Variants in SCAF8 observed in about 807,000 individuals in gnomAD.
SCAF8 encodes SR-related and CTD-associated factor 8.
Under a neutral mutation model 140.5 loss-of-function variants are expected in SCAF8, and 23 were observed. The ratio of observed to expected loss-of-function variants is 0.16; its 90% confidence interval spans 0.12 to 0.23. The LOEUF is 0.23. SCAF8 is among the 10% of genes least tolerant of loss of function. The pLI is 1.00. For missense variants in SCAF8, 1,397 were observed against 1,555.7 expected (o/e 0.90, Z 1.72); for synonymous variants, 575 against 528.9 (o/e 1.09, Z -1.20).
chr6:154,737,130 G>A lies in SCAF8; in HGVS notation c.30+3200G>A, dbSNP rs138472304. Among the ~76,000 whole-genome samples the A allele has an allele frequency of 7.6e-3, 1,157 of 152,214 alleles. 8 individuals carry two copies. Among genetic ancestry groups the A allele is most frequent in the Non-Finnish European group, 0.011 (760 of 68,024 alleles). On this transcript the variant is annotated intron_variant, in intron 1 of 19. Coordinates refer to ENST00000367178, the MANE Select transcript of SCAF8 (RefSeq NM_014892.5). ...ATGATTGTTTTCCATTAAATTATGT[G>A]TTACAAATTACAAAAATTAAAAAGG... is the stretch of plus-strand genomic sequence containing the variant.
intron 1 of SCAF8, among the ~76,000 whole-genome samples, chr6:154,753,355 T>C (rs1778885836): frequency 6.6e-6 from 1 of 152,130 alleles, no homozygotes; most frequent in Admixed American, 6.6e-5. Flanking sequence ...TAATCCCAGT[T>C]ACTCGGGAGG....
chr6:154,831,852 T>TG, intron 19 of SCAF8, 87 bp from the exon 20 acceptor site: 1 of 1,083,034 alleles, frequency 9.2e-7, no homozygotes, highest in South Asian at 1.6e-5. Flanking sequence ...CCTTGATTAT[T>TG]GGGGGATACA....
intron 12 of SCAF8, among the ~76,000 whole-genome samples, chr6:154,812,716 A>G (rs1372348850): frequency 6.6e-6 from 1 of 152,218 alleles, no homozygotes; most frequent in Non-Finnish European, 1.5e-5. Context: ...ACCAGTGAAT[A>G]ATAACATTCC....
At chr6:154,805,319 A>G (rs369464978) in intron 8 of SCAF8, 50 bp from the exon 9 acceptor site, 87 of 1,024,218 alleles carry the variant, frequency 8.5e-5, no homozygotes, top group Non-Finnish European at 1.3e-4. Context: ...TTATTTTCAT[A>G]GTATCTTTAG....
chr6:154,824,111 A>C, intron 16 of SCAF8, 123 bp from the exon 17 acceptor site: 2 of 963,716 alleles, frequency 2.1e-6, no homozygotes, highest in East Asian at 4.9e-5. Context: ...AAAAGGGGGC[A>C]TAAAACCCTT....
chr6:154,814,434 AC>A (rs1778188165), intron 12 of SCAF8, among the ~76,000 whole-genome samples: 1 of 152,222 alleles, frequency 6.6e-6, no homozygotes, highest in African/African-American at 2.4e-5. Flanking sequence ...CAGGGAAAGA[AC>A]AATGACCAGG....
chr6:154,828,914 A>G (rs1778647851), intron 18 of SCAF8, among the ~76,000 whole-genome samples: 1 of 152,236 alleles, frequency 6.6e-6, no homozygotes, highest in Non-Finnish European at 1.5e-5. Flanking sequence ...TTTTCATACA[A>G]TATAGACATA....
chr6:154,833,445 GTA>G lies in SCAF8; in HGVS notation c.*51_*52del. The G allele has an allele frequency of 1.9e-6, 3 of 1,540,330 alleles. No individual in the cohort carries two copies. The highest frequency in any genetic ancestry group is 2.6e-6 in the Non-Finnish European group (3 of 1,137,742). ...CCTTTTGTAAAGTTGTCATCTCTCT[GTA>G]ATAGATAATGGCTGACTGGACCATA... On this transcript the variant is annotated 3_prime_UTR_variant, in exon 20 of 20. Transcript: ENST00000367178.
intron 15 of SCAF8, among the ~76,000 whole-genome samples, chr6:154,821,194 A>G (rs1778412837): frequency 6.6e-6 from 1 of 152,198 alleles, no homozygotes; most frequent in Non-Finnish European, 1.5e-5. Flanking sequence ...TTCCTCTTGT[A>G]GAGTGTAGCG....
At chr6:154,747,465 T>G (rs1251080198) in intron 1 of SCAF8, among the ~76,000 whole-genome samples, 2 of 152,060 alleles carry the variant, frequency 1.3e-5, no homozygotes, top group Admixed American at 1.3e-4. Context: ...GAGTTGAGGT[T>G]GTGCCACTTT....
chr6:154,741,846 G>C, intron 1 of SCAF8: 1 of 672,858 alleles, frequency 1.5e-6, no homozygotes, highest in Non-Finnish European at 2.6e-6. Context: ...TGGTGTGAAA[G>C]AATGTAATCA....
intron 4 of SCAF8, among the ~76,000 whole-genome samples, chr6:154,788,467 TATTTA>T (rs1042784934): frequency 6.6e-6 from 1 of 152,252 alleles, no homozygotes; most frequent in Non-Finnish European, 1.5e-5. Flanking sequence ...CAAATTTGAA[TATTTA>T]ATTATTACGG....
chr6:154,831,434 A>G (rs1778730245), intron 19 of SCAF8, among the ~76,000 whole-genome samples: 2 of 152,108 alleles, frequency 1.3e-5, no homozygotes, highest in African/African-American at 4.8e-5. Flanking sequence ...CAAAATCTGT[A>G]TACTTATAGG....
chr6:154,738,973 T>C (rs928280638), intron 1 of SCAF8, among the ~76,000 whole-genome samples: 10 of 152,176 alleles, frequency 6.6e-5, no homozygotes, highest in African/African-American at 2.4e-4. Context: ...TGAGAGGGCA[T>C]TTTAAAATAC....
chr6:154,771,060 C>T (rs762926827), intron 1 of SCAF8, among the ~76,000 whole-genome samples: 1 of 152,174 alleles, frequency 6.6e-6, no homozygotes, highest in Admixed American at 6.5e-5. Context: ...TAAACTCTTA[C>T]TAAGTTAAAT....
intron 11 of SCAF8, among the ~76,000 whole-genome samples, chr6:154,809,183 AT>A (rs767484512): frequency 6.6e-5 from 10 of 152,314 alleles, no homozygotes; most frequent in East Asian, 1.9e-4. Context: ...AAACTACAAA[AT>A]TTATTTTTAT....
At chr6:154,755,081 A>T (rs73581048) in intron 1 of SCAF8, among the ~76,000 whole-genome samples, 2,252 of 152,290 alleles carry the variant, frequency 0.015, 56 homozygotes, top group African/African-American at 0.05. Flanking sequence ...ATTATTTTTT[A>T]AAAAATGTAT....
intron 12 of SCAF8, among the ~76,000 whole-genome samples, chr6:154,812,284 TATGTCAGC>T (rs1778117334): frequency 7.0e-6 from 1 of 143,574 alleles, no homozygotes. Flanking sequence ...ACTTTGTCTC[TATGTCAGC>T]TTTTTTTTTT....
chr6:154,794,520 C>T (rs1399903625), intron 5 of SCAF8, among the ~76,000 whole-genome samples: 1 of 152,038 alleles, frequency 6.6e-6, no homozygotes, highest in Non-Finnish European at 1.5e-5. Flanking sequence ...TAACTTTTTT[C>T]ACAGTATAGT....
Sources: gnomAD v4.1 joint callset for allele counts (sites outside exome capture counted in the v4.1 genomes callset) on GRCh38, gnomAD v4.1.1 for gene constraint, MANE v1.5 for transcripts, NCBI Gene and HGNC (gene_info 2026-07-23, HGNC 2026-07-21) for gene names.